Variants in PLCH1 observed in about 807,000 individuals in gnomAD.
PLCH1 encodes 1-phosphatidylinositol 4,5-bisphosphate phosphodiesterase eta-1.
A neutral mutation model predicts 126.7 loss-of-function variants in PLCH1; 60 were observed. The observed-to-expected ratio is 0.47, with a 90% CI of 0.38 to 0.59. The LOEUF (loss-of-function observed/expected upper bound fraction) is 0.59, where lower values mean the gene tolerates loss of function less well. Among genes scored for constraint, PLCH1 ranks in the 20% least tolerant of loss-of-function variants. PLCH1 has a pLI of 0.00. For missense variants in PLCH1, 1,723 were observed against 2,040.0 expected (o/e 0.84, Z 2.99); for synonymous variants, 719 against 734.9 (o/e 0.98, Z 0.35).
rs778765300 is a variant in PLCH1, at chr3:155,482,776, G to C, written c.3250C>G (p.Pro1084Ala). The C allele has an allele frequency of 3.7e-6, 6 of 1,614,154 alleles. No homozygotes were observed. The highest frequency in any genetic ancestry group is 5.1e-6 in the Non-Finnish European group (6 of 1,180,022). The change falls in exon 23 of 23, where the codon CCC becomes GCC. Residue 1084 changes from proline (P) to alanine (A), a missense_variant. By Grantham distance (27) the Pro-to-Ala change is conservative (BLOSUM62 -1). Around this residue, in one of 2 missense-constraint regions of PLCH1, gnomAD observed 947 missense variants for 977.1 expected, o/e 0.97. Transcript: ENST00000460012. ...KSLSPKQHLA[P>A]DPVVNPTQDL... ...TGTGTGGGGTTAACTACAGGATCGGGAGCCAAATGCTGCTTTGGGGAGAGA... is the reference window on the plus strand; with the variant it reads ...TGTGTGGGGTTAACTACAGGATCGGCAGCCAAATGCTGCTTTGGGGAGAGA...
chr3:155,710,354 C>A (rs565430761), intron 1 of PLCH1, among the ~76,000 whole-genome samples: 1 of 152,212 alleles, frequency 6.6e-6, no homozygotes, highest in South Asian at 2.1e-4. Context: ...ACATCTCTTG[C>A]AAATATCTTC....
At chr3:155,531,552 G>T (rs991699359) in intron 10 of PLCH1, among the ~76,000 whole-genome samples, 1 of 152,218 alleles carries the variant, frequency 6.6e-6, no homozygotes, top group South Asian at 2.1e-4. Flanking sequence ...TTGAACCCAG[G>T]AGGTAGAAGT....
At chr3:155,545,470 C>T (rs1478368018) in intron 10 of PLCH1, among the ~76,000 whole-genome samples, 3 of 148,316 alleles carry the variant, frequency 2.0e-5, no homozygotes, top group African/African-American at 7.4e-5. Flanking sequence ...CAAGGAGGAA[C>T]TGGTACCATT....
chr3:155,581,370 TA>T (rs1195096553), intron 6 of PLCH1, among the ~76,000 whole-genome samples: 1 of 152,200 alleles, frequency 6.6e-6, no homozygotes, highest in African/African-American at 2.4e-5. Flanking sequence ...GCGTTATTCG[TA>T]ACAGCCCCCA....
chr3:155,490,853 C>A lies in PLCH1; in HGVS notation c.2323G>T (p.Val775Phe). Residue 775 changes from valine to phenylalanine, a missense_variant, in exon 19 of 23, where the codon GTT (valine) becomes TTT (phenylalanine). By Grantham distance (50) the Val-to-Phe change is conservative (BLOSUM62 -1). Transcript: ENST00000460012. ...GDRGEIIDPF[V>F]EVEIIGLPVD... ...GGCAATCCAATAATTTCAACTTCAA[C>A]AAAAGGGTCAATGATCTATTAAGTA... The A allele has an allele frequency of 6.4e-7, 1 of 1,563,124 alleles. No homozygotes were observed. The highest frequency in any genetic ancestry group is 1.1e-5 in the South Asian group (1 of 90,022).
At chr3:155,685,158 A>G (rs1329295839) in intron 2 of PLCH1, among the ~76,000 whole-genome samples, 1 of 152,196 alleles carries the variant, frequency 6.6e-6, no homozygotes, top group African/African-American at 2.4e-5. Context: ...TTGTCGGAAG[A>G]CACTGGGCAT....
chr3:155,524,171 C>T (rs1158201253), intron 10 of PLCH1, among the ~76,000 whole-genome samples, 167 bp from the exon 11 acceptor site: 3 of 152,126 alleles, frequency 2.0e-5, no homozygotes, highest in Non-Finnish European at 2.9e-5. Flanking sequence ...ATACATATTA[C>T]AAAATGAAGG....
chr3:155,573,002 C>T, intron 6 of PLCH1, among the ~76,000 whole-genome samples: 1 of 152,180 alleles, frequency 6.6e-6, no homozygotes, highest in East Asian at 1.9e-4. Flanking sequence ...CCCACCTTGG[C>T]CTCCCAATGT....
At chr3:155,693,470 T>C (rs1577329617) in intron 2 of PLCH1, among the ~76,000 whole-genome samples, 1 of 11,840 alleles carries the variant, frequency 8.4e-5, no homozygotes, top group Non-Finnish European at 1.1e-4. Context: ...AGACTCCGTC[T>C]CAAAAAAAAA....
intron 1 of PLCH1, among the ~76,000 whole-genome samples, chr3:155,736,659 C>G (rs1358030766): frequency 1.3e-5 from 2 of 152,148 alleles, no homozygotes; most frequent in Non-Finnish European, 2.9e-5. Flanking sequence ...CAAAACCTCT[C>G]CCGCCCTGTT....
intron 10 of PLCH1, among the ~76,000 whole-genome samples, chr3:155,525,508 A>G (rs1721779880): frequency 6.6e-6 from 1 of 152,188 alleles, no homozygotes; most frequent in African/African-American, 2.4e-5. Context: ...GCCCAGTCCA[A>G]GGTGGTTTTG....
intron 15 of PLCH1, among the ~76,000 whole-genome samples, 168 bp downstream of exon 15, chr3:155,497,152 G>A (rs765329936): frequency 6.6e-6 from 1 of 152,192 alleles, no homozygotes; most frequent in Non-Finnish European, 1.5e-5. Flanking sequence ...AACCCTCCAT[G>A]TGAACTCAAC....
rs1250446823 is a variant in PLCH1, at chr3:155,482,859, C to G, written c.3167G>C (p.Gly1056Ala). 1 of 1,614,072 alleles carries G rather than the reference C, an allele frequency of 6.2e-7. No individual in the cohort carries two copies. The highest frequency in any genetic ancestry group is 1.7e-5 in the Admixed American group (1 of 60,014). Residue 1056 changes from glycine to alanine, a missense_variant, in exon 23 of 23, where the codon GGG (glycine) becomes GCG (alanine). By Grantham distance (60) the Gly-to-Ala change is moderately conservative (BLOSUM62 0). Coordinates refer to ENST00000460012, the MANE Select transcript of PLCH1 (RefSeq NM_014996.4). ...GCTTGTGGCATTTGATGTGGTTCTC[C>G]CACCCCTAGGACTTGACATGCCCAG... ...EQLGMSSPRG[G>A]RTTSNATSNC...
chr3:155,540,730 A>G (rs918567762), intron 10 of PLCH1, among the ~76,000 whole-genome samples: 4 of 152,208 alleles, frequency 2.6e-5, no homozygotes, highest in Admixed American at 2.6e-4. Flanking sequence ...ATAATCAAAA[A>G]ATCAAAAAAT....
At chr3:155,510,797 T>G (rs1318068219) in intron 12 of PLCH1, among the ~76,000 whole-genome samples, 8 of 106,612 alleles carry the variant, frequency 7.5e-5, no homozygotes, top group East Asian at 2.3e-4. Context: ...CATTTTTTCC[T>G]TCATTTCAAC....
chr3:155,583,323 T>C (rs531766763), intron 6 of PLCH1, 149 bp downstream of exon 6: 1 of 598,254 alleles, frequency 1.7e-6, no homozygotes, highest in South Asian at 2.3e-5. Context: ...AGAAACTGTT[T>C]TAAATGACTC....
intron 5 of PLCH1, among the ~76,000 whole-genome samples, chr3:155,585,800 G>A (rs1298783768): frequency 2.6e-5 from 4 of 152,028 alleles, no homozygotes; most frequent in Non-Finnish European, 2.9e-5. Context: ...CCTCTCAAAG[G>A]GACTGGAGCA....
chr3:155,560,459 T>C (rs1727417384), intron 8 of PLCH1, among the ~76,000 whole-genome samples: 1 of 152,210 alleles, frequency 6.6e-6, no homozygotes, highest in Non-Finnish European at 1.5e-5. Context: ...TGTTAATCAC[T>C]ATTGCTGGTA....
chr3:155,653,395 C>A (rs1252268569), intron 2 of PLCH1, among the ~76,000 whole-genome samples: 3 of 152,216 alleles, frequency 2.0e-5, no homozygotes, highest in African/African-American at 7.2e-5. Flanking sequence ...TTGGGAGGTC[C>A]AAATCATTGG....
Sources: gnomAD v4.1 joint callset for allele counts (sites outside exome capture counted in the v4.1 genomes callset) on GRCh38, gnomAD v4.1.1 for gene constraint, gnomAD v4.1.1 regional missense constraint, MANE v1.5 for transcripts, NCBI Gene and HGNC (gene_info 2026-07-23, HGNC 2026-07-21) for gene names.